Variants in MACROD2 observed in about 807,000 individuals in gnomAD.
MACROD2 encodes the protein mono-ADP ribosylhydrolase 2, also known as ADP-ribose glycohydrolase MACROD2.
A neutral mutation model predicts 70.4 loss-of-function variants in MACROD2; 36 were observed. The ratio of observed to expected loss-of-function variants is 0.51; its 90% CI spans 0.39 to 0.68. The LOEUF is 0.68. Ranked by LOEUF, MACROD2 falls within the 30% of genes least tolerant of loss-of-function variation. The pLI is 0.00. For missense variants in MACROD2, 496 were observed against 538.4 expected, an observed-to-expected ratio of 0.92 and a Z score of 0.78; for synonymous variants, 172 against 178.8, an observed-to-expected ratio of 0.96 and a Z score of 0.30.
At chr20:15,536,510 A>G (rs1051400629) in intron 8 of MACROD2, among the ~76,000 whole-genome samples, 2 of 152,246 alleles carry the variant, frequency 1.3e-5, no homozygotes, top group Non-Finnish European at 2.9e-5. Context: ...TCTTGCATTT[A>G]TCACATGTAT....
chr20:15,307,840 A>C (rs2077712948), intron 6 of MACROD2, among the ~76,000 whole-genome samples: 1 of 152,190 alleles, frequency 6.6e-6, no homozygotes. Context: ...AAAGTTCCTC[A>C]CAAAACGTAT....
At chr20:15,645,484 T>C (rs1022609783) in intron 8 of MACROD2, among the ~76,000 whole-genome samples, 3 of 152,204 alleles carry the variant, frequency 2.0e-5, no homozygotes, top group Admixed American at 6.5e-5. Flanking sequence ...CTGCAAATCC[T>C]TTTTCTCTGA....
chr20:14,250,082 A>C (rs1200083412), intron 3 of MACROD2, among the ~76,000 whole-genome samples: 1 of 152,056 alleles, frequency 6.6e-6, no homozygotes, highest in East Asian at 1.9e-4. Context: ...CTACCCAGAA[A>C]GACTAGATAG....
At chr20:15,627,004 GA>G (rs1375884342) in intron 8 of MACROD2, among the ~76,000 whole-genome samples, 1 of 152,142 alleles carries the variant, frequency 6.6e-6, no homozygotes, top group African/African-American at 2.4e-5. Context: ...TGCTAACAGA[GA>G]AACAAGGAAA....
chr20:15,710,165 C>T (rs1274754176), intron 8 of MACROD2, among the ~76,000 whole-genome samples: 1 of 139,946 alleles, frequency 7.1e-6, no homozygotes, highest in Non-Finnish European at 1.5e-5. Flanking sequence ...ATCATTTCAC[C>T]ACAGTTAGAA....
At chr20:14,359,828 C>T (rs2083205253) in intron 3 of MACROD2, among the ~76,000 whole-genome samples, 1 of 152,004 alleles carries the variant, frequency 6.6e-6, no homozygotes, top group South Asian at 2.1e-4. Flanking sequence ...CACGACTGCA[C>T]TCCAGCCTGG....
At position 14,883,595 on chromosome 20, in the gene MACROD2, C is replaced by CT. The variant is rs879648094; in HGVS notation, c.418+198638dup. On this transcript the variant is annotated intron_variant, in intron 5 of 17. Coordinates refer to ENST00000684519, the MANE Select transcript of MACROD2 (RefSeq NM_001351661.2). ...AAATGAACTGTCTATATCTGACTCA[C>CT]TTAAAAAAAAAAGTAGTTTAAATAA... Among the ~76,000 whole-genome samples, 633 of 27,454 alleles carry CT rather than the reference C, an allele frequency of 0.023. 16 individuals carry two copies. The East Asian group carries it at 0.28, about 12-fold the overall frequency. The allele number at this position is 27,454 out of a possible 152,430, so 18.0% of individuals were successfully genotyped here.
intron 15 of MACROD2, among the ~76,000 whole-genome samples, chr20:16,018,611 T>C (rs918708661): frequency 6.6e-6 from 1 of 152,220 alleles, no homozygotes; most frequent in African/African-American, 2.4e-5. Flanking sequence ...CATCCTCTTC[T>C]GTCTTGGCAT....
chr20:15,335,451 T>A (rs1460760624), intron 6 of MACROD2, among the ~76,000 whole-genome samples: 1 of 150,914 alleles, frequency 6.6e-6, no homozygotes, highest in Non-Finnish European at 1.5e-5. Flanking sequence ...ACCAGTAGGT[T>A]CTCTATTCTG....
chr20:15,936,461 CTATAATT>C (rs1308022807), intron 11 of MACROD2, among the ~76,000 whole-genome samples: 1 of 147,600 alleles, frequency 6.8e-6, no homozygotes, highest in Non-Finnish European at 1.5e-5. Context: ...TATATATACT[CTATAATT>C]TATATATAGT....
intron 2 of MACROD2, among the ~76,000 whole-genome samples, chr20:14,012,706 C>T (rs2052929554): frequency 6.6e-6 from 1 of 152,142 alleles, no homozygotes; most frequent in Non-Finnish European, 1.5e-5. Context: ...TTGCACTAAA[C>T]ATGATAAAAA....
chr20:15,647,722 A>AT (rs34556344), intron 8 of MACROD2, among the ~76,000 whole-genome samples: 15,204 of 142,366 alleles, frequency 0.11, 1,008 homozygotes, highest in African/African-American at 0.18. Context: ...ACAATAGATG[A>AT]TTTTTTTTTT....
chr20:15,098,131 G>A (rs572820610), intron 5 of MACROD2, among the ~76,000 whole-genome samples: 3 of 152,116 alleles, frequency 2.0e-5, no homozygotes, highest in African/African-American at 2.4e-5. Flanking sequence ...TTCATGGCAC[G>A]AGATGCATGC....
chr20:14,863,393 G>A (rs1426896787), intron 5 of MACROD2, among the ~76,000 whole-genome samples: 1 of 152,120 alleles, frequency 6.6e-6, no homozygotes, highest in Non-Finnish European at 1.5e-5. Flanking sequence ...AAGGAGGGCA[G>A]GGGTGAGGAG....
chr20:15,246,528 T>G (rs1232486792), intron 6 of MACROD2, among the ~76,000 whole-genome samples: 1 of 152,126 alleles, frequency 6.6e-6, no homozygotes, highest in African/African-American at 2.4e-5. Flanking sequence ...ATTAGTGAAA[T>G]GAGGAAAACA....
chr20:14,828,355 A>T (rs1337634515), intron 5 of MACROD2, among the ~76,000 whole-genome samples: 1 of 152,180 alleles, frequency 6.6e-6, no homozygotes, highest in African/African-American at 2.4e-5. Context: ...AAATATTCAG[A>T]TGTGTTACCA....
At chr20:14,787,638 C>T (rs1484123710) in intron 5 of MACROD2, among the ~76,000 whole-genome samples, 1 of 152,090 alleles carries the variant, frequency 6.6e-6, no homozygotes, top group African/African-American at 2.4e-5. Context: ...GTACAGTAGA[C>T]ATAACACCAC....
At chr20:15,775,212 GCCCCTT>G in intron 8 of MACROD2, among the ~76,000 whole-genome samples, 1 of 152,084 alleles carries the variant, frequency 6.6e-6, no homozygotes, top group South Asian at 2.1e-4. Context: ...GGAGCTTTAT[GCCCCTT>G]CCTGAGTCTC....
At chr20:14,482,706 G>A (rs2084676919) in intron 3 of MACROD2, among the ~76,000 whole-genome samples, 1 of 152,090 alleles carries the variant, frequency 6.6e-6, no homozygotes, top group Admixed American at 6.5e-5. Context: ...TTAATTTATT[G>A]TAAGTAGAAC....
Sources: gnomAD v4.1 joint callset for allele counts (sites outside exome capture counted in the v4.1 genomes callset) on GRCh38, gnomAD v4.1.1 for gene constraint, MANE v1.5 for transcripts, NCBI Gene and HGNC (gene_info 2026-07-23, HGNC 2026-07-21) for gene names.